The following FAT3 variants were observed in gnomAD, a reference collection of about 807,000 sequenced individuals.
FAT3 encodes FAT atypical cadherin 3, also known as protocadherin Fat 3.
Under a neutral mutation model 310.2 loss-of-function variants are expected in FAT3, and 95 were observed. The ratio of observed to expected loss-of-function variants is 0.31; its 90% confidence interval spans 0.26 to 0.36. The LOEUF (loss-of-function observed/expected upper bound fraction) is 0.36, where lower values mean the gene tolerates loss of function less well. Ranked by LOEUF, FAT3 falls within the 10% of genes least tolerant of loss-of-function variation. FAT3 has a pLI of 1.00. For missense variants in FAT3, 5,408 were observed against 5,715.6 expected, an observed-to-expected ratio of 0.95 and a Z score of 1.74; for synonymous variants, 2,314 against 2,192.9, an observed-to-expected ratio of 1.06 and a Z score of -1.54.
chr11:92,590,297 C>A (rs992792110), intron 3 of FAT3, among the ~76,000 whole-genome samples: 1 of 152,222 alleles, frequency 6.6e-6, no homozygotes, highest in Non-Finnish European at 1.5e-5. Flanking sequence ...TGAACTTGGC[C>A]TTTCAAACTT....
At chr11:92,255,348 A>T (rs1312734057) in intron 1 of FAT3, among the ~76,000 whole-genome samples, 1 of 151,456 alleles carries the variant, frequency 6.6e-6, no homozygotes, top group African/African-American at 2.4e-5. Context: ...TTTTAAAAAA[A>T]AAAAAAAGGA....
chr11:92,776,346 C>A (rs1946597254), intron 7 of FAT3, among the ~76,000 whole-genome samples: 1 of 152,152 alleles, frequency 6.6e-6, no homozygotes, highest in Admixed American at 6.5e-5. Flanking sequence ...ATGTTAAAAA[C>A]AACAACAAAA....
chr11:92,640,213 C>T (rs576786114), intron 3 of FAT3, among the ~76,000 whole-genome samples: 1 of 152,244 alleles, frequency 6.6e-6, no homozygotes, highest in Admixed American at 6.5e-5. Flanking sequence ...TCCCTGCCCT[C>T]AAGCCTGCTG....
At chr11:92,489,886 TC>T (rs1340362448) in intron 2 of FAT3, among the ~76,000 whole-genome samples, 1 of 147,572 alleles carries the variant, frequency 6.8e-6, no homozygotes, top group Non-Finnish European at 1.5e-5. Flanking sequence ...TTTTTCTTTT[TC>T]TTTTTTTTTT....
At chr11:92,560,159 G>A (rs973970140) in intron 3 of FAT3, among the ~76,000 whole-genome samples, 10 of 152,180 alleles carry the variant, frequency 6.6e-5, no homozygotes, top group African/African-American at 2.2e-4. Flanking sequence ...TGGATGTTAA[G>A]TGGTATCTTA....
chr11:92,623,699 T>G (rs973218743), intron 3 of FAT3, among the ~76,000 whole-genome samples: 18 of 152,304 alleles, frequency 1.2e-4, no homozygotes, highest in Admixed American at 1.2e-3. Flanking sequence ...ATCCCAGCAC[T>G]TTGGGAGGCC....
chr11:92,552,089 A>G (rs1451055687), intron 3 of FAT3, among the ~76,000 whole-genome samples: 8 of 152,334 alleles, frequency 5.3e-5, no homozygotes, highest in African/African-American at 1.9e-4. Flanking sequence ...ACAAAAGTAG[A>G]TTTTAATATT....
chr11:92,809,009 GATA>G (rs1478022218), intron 12 of FAT3, among the ~76,000 whole-genome samples: 2 of 152,108 alleles, frequency 1.3e-5, no homozygotes, highest in Admixed American at 1.3e-4. Context: ...ATTTAAGATT[GATA>G]ATATTTCATG....
At chr11:92,669,178 A>G (rs910645510) in intron 3 of FAT3, among the ~76,000 whole-genome samples, 3 of 152,166 alleles carry the variant, frequency 2.0e-5, no homozygotes, top group African/African-American at 7.2e-5. Context: ...ATCTAAGTTA[A>G]CTCTTGCAAC....
At position 92,573,852 on chromosome 11, in the gene FAT3, A is replaced by G. The variant is rs76352828; in HGVS notation, c.3607+48904A>G. On this transcript the variant is annotated intron_variant, in intron 3 of 27. Coordinates refer to ENST00000525166, the MANE Select transcript of FAT3 (RefSeq NM_001367949.2). Reference sequence around the variant, plus strand: ...TCCAGAACTGTGAGAAAAAAAATGTATGTTGTTTTAAGCCACTTGGTTTGT... The same window carrying G: ...TCCAGAACTGTGAGAAAAAAAATGTGTGTTGTTTTAAGCCACTTGGTTTGT... Among the ~76,000 whole-genome samples, 16 of 152,214 alleles carry G rather than the reference A, an allele frequency of 1.1e-4. No individual in the cohort carries two copies. The East Asian group carries it at 2.3e-3, about 22-fold the overall frequency.
chr11:92,691,764 A>G (rs542942107), intron 3 of FAT3, among the ~76,000 whole-genome samples: 1 of 152,302 alleles, frequency 6.6e-6, no homozygotes, highest in African/African-American at 2.4e-5. Flanking sequence ...TCCTCCTACA[A>G]ATGGAGTCAA....
Position 92,882,933 on chromosome 11 carries a change from C to T in FAT3, c.12477C>T (p.Ala4159=), listed in dbSNP as rs367824629. The change falls in exon 24 of 28, where the codon GCC becomes GCT. Residue 4159 remains alanine, a synonymous_variant. Transcript: ENST00000525166. Reference sequence around the variant, plus strand: ...GGAAGGAGGAGCTCATCGGCATCGCCGTGGTCCTCTTCGTCATCTTCATCC... The same window carrying T: ...GGAAGGAGGAGCTCATCGGCATCGCTGTGGTCCTCTTCGTCATCTTCATCC... ...YVGKEELIGI[A]VVLFVIFILV... 6.6e-5 allele frequency: 106 copies of T among 1,613,302 alleles called. 1 individual carries two copies. The African/African-American group carries it at 1.3e-3, about 20-fold the overall frequency.
intron 4 of FAT3, among the ~76,000 whole-genome samples, chr11:92,757,842 T>C (rs1451109249): frequency 6.6e-6 from 1 of 152,162 alleles, no homozygotes; most frequent in Admixed American, 6.5e-5. Context: ...AATAAATCAT[T>C]TCAGGAGACT....
intron 3 of FAT3, among the ~76,000 whole-genome samples, chr11:92,585,828 G>GTT (rs35482303): frequency 7.9e-4 from 118 of 150,082 alleles, no homozygotes; most frequent in Non-Finnish European, 1.3e-3. Flanking sequence ...TTGCTTTCCT[G>GTT]TTTTTTTTTT....
chr11:92,564,466 TAGAC>T (rs1955355372), intron 3 of FAT3, among the ~76,000 whole-genome samples: 1 of 150,524 alleles, frequency 6.6e-6, no homozygotes, highest in South Asian at 2.1e-4. Flanking sequence ...CTGTCAACAT[TAGAC>T]AGATCAACGA....
intron 1 of FAT3, among the ~76,000 whole-genome samples, chr11:92,316,311 C>G (rs1393973842): frequency 6.6e-6 from 1 of 152,110 alleles, no homozygotes; most frequent in Non-Finnish European, 1.5e-5. Context: ...TTTCAGTACT[C>G]AGACGCAATC....
chr11:92,724,985 A>G (rs919916061), intron 4 of FAT3, among the ~76,000 whole-genome samples: 7 of 152,220 alleles, frequency 4.6e-5, no homozygotes, highest in Non-Finnish European at 8.8e-5. Flanking sequence ...AGCAATAAGA[A>G]AAGTTGAGGA....
At chr11:92,540,653 T>G (rs1483224111) in intron 3 of FAT3, among the ~76,000 whole-genome samples, 1 of 152,196 alleles carries the variant, frequency 6.6e-6, no homozygotes, top group Non-Finnish European at 1.5e-5. Context: ...TTCAAAGTAG[T>G]GTTCATGCAA....
chr11:92,701,982 G>T (rs1218355156), intron 4 of FAT3, among the ~76,000 whole-genome samples: 1 of 152,214 alleles, frequency 6.6e-6, no homozygotes, highest in Non-Finnish European at 1.5e-5. Context: ...AATTAAGGTA[G>T]TGTGGGAAAG....
Sources: gnomAD v4.1 joint callset for allele counts (sites outside exome capture counted in the v4.1 genomes callset) on GRCh38, gnomAD v4.1.1 for gene constraint, MANE v1.5 for transcripts, NCBI Gene and HGNC (gene_info 2026-07-23, HGNC 2026-07-21) for gene names.